The following CHD6 variants were observed in gnomAD, a reference collection of about 807,000 sequenced individuals.
The protein encoded by CHD6 is ATP-dependent chromatin remodeler CHD6.
Under a neutral mutation model 276.9 loss-of-function variants are expected in CHD6, and 50 were observed. That is an observed-to-expected ratio of 0.18 (90% CI 0.14 to 0.23). The LOEUF is 0.23. CHD6 is among the 10% of genes least tolerant of loss of function. The pLI, the probability that CHD6 is intolerant of heterozygous loss-of-function variation, is 1.00. For synonymous variants in CHD6, 1,173 were observed against 1,229.3 expected, an observed-to-expected ratio of 0.95 and a Z score of 0.96; for missense variants, 2,564 against 3,365.8, an observed-to-expected ratio of 0.76 and a Z score of 5.89.
chr20:41,520,462 C>T (rs945683040), intron 3 of CHD6, among the ~76,000 whole-genome samples: 1 of 151,992 alleles, frequency 6.6e-6, no homozygotes, highest in Non-Finnish European at 1.5e-5. Context: ...AAATGTGGCA[C>T]ATATACACCA....
chr20:41,494,865 C>G (rs1048138464), intron 8 of CHD6, among the ~76,000 whole-genome samples: 1 of 152,186 alleles, frequency 6.6e-6, no homozygotes, highest in Non-Finnish European at 1.5e-5. Flanking sequence ...ACTGTCGAAA[C>G]AGCTTTATCT....
chr20:41,438,128 G>A (rs927569051), intron 26 of CHD6, among the ~76,000 whole-genome samples: 2 of 152,138 alleles, frequency 1.3e-5, no homozygotes, highest in Non-Finnish European at 2.9e-5. Flanking sequence ...ATCACATTTG[G>A]CGAAAGTCAC....
rs753815158 is a variant in CHD6, at chr20:41,404,953, C to T, written c.7788G>A (p.Gln2596=). The T allele has an allele frequency of 6.2e-7, 1 of 1,614,240 alleles. No individual in the cohort carries two copies. The change falls in exon 37 of 37, where the codon CAG becomes CAA. Residue 2596 remains glutamine, a synonymous_variant. Coordinates refer to ENST00000373233, the MANE Select transcript of CHD6 (RefSeq NM_032221.5). ...TACTAGTAGTTATTGCAGGTTCAGA[C>T]TGATCAGAAAATGGACCTGGACCAG... is the stretch of plus-strand genomic sequence containing the variant. ...DKPGPGPFSD[Q]SEPAITTSSP... is the part of the protein sequence containing the mutation.
chr20:41,575,449 A>C (rs537393459), intron 1 of CHD6, among the ~76,000 whole-genome samples: 1 of 152,196 alleles, frequency 6.6e-6, no homozygotes, highest in Non-Finnish European at 1.5e-5. Flanking sequence ...CTTTCTTCAC[A>C]TATGCACCTG....
intron 14 of CHD6, among the ~76,000 whole-genome samples, chr20:41,486,553 C>A (rs1002806387): frequency 6.6e-6 from 1 of 152,136 alleles, no homozygotes; most frequent in African/African-American, 2.4e-5. Flanking sequence ...CCAGGGTGTA[C>A]GCTTGACATG....
chr20:41,607,554 A>T (rs1023570821), intron 1 of CHD6, among the ~76,000 whole-genome samples: 1 of 152,222 alleles, frequency 6.6e-6, no homozygotes, highest in East Asian at 1.9e-4. Flanking sequence ...GCAATTCAAT[A>T]TGAAATGCCC....
intron 19 of CHD6, 41 bp downstream of exon 19, chr20:41,455,759 T>C (rs3746540): frequency 0.18 from 240,175 of 1,330,618 alleles, 28,211 homozygotes; most frequent in East Asian, 0.51. Flanking sequence ...CATTTTTTTT[T>C]CTCTCCCACC....
rs569337497 is a variant in CHD6 at position 41,520,216 on chromosome 20, G to A, written c.555-5264C>T. ...GGAGAAATAGGAACACTTTTACACT[G>A]TTGGTGGGACTGTAAACTAGTTCAA... On this transcript the variant is annotated intron_variant, in intron 3 of 36. Coordinates refer to ENST00000373233, the MANE Select transcript of CHD6 (RefSeq NM_032221.5). Among the ~76,000 whole-genome samples the A allele has an allele frequency of 2.9e-4, 44 of 152,300 alleles. No individual in the cohort carries two copies. In the East Asian group the frequency reaches 7.9e-3, roughly 27 times the overall value.
At chr20:41,538,877 C>T (rs2044886257) in intron 2 of CHD6, among the ~76,000 whole-genome samples, 1 of 152,176 alleles carries the variant, frequency 6.6e-6, no homozygotes, top group African/African-American at 2.4e-5. Context: ...ACCCTGCCTC[C>T]TCCCAGTTCC....
chr20:41,590,295 C>T (rs6102484), intron 1 of CHD6, among the ~76,000 whole-genome samples: 58,337 of 151,982 alleles, frequency 0.38, 13,943 homozygotes, highest in African/African-American at 0.66. Context: ...ATGCAGGACA[C>T]AGGCATGGGC....
intron 1 of CHD6, among the ~76,000 whole-genome samples, chr20:41,617,075 A>G (rs371515067): frequency 6.6e-6 from 1 of 152,202 alleles, no homozygotes; most frequent in Admixed American, 6.5e-5. Context: ...ATTTCAGGCA[A>G]TATTTCAGAC....
At chr20:41,606,096 G>A (rs1017303993) in intron 1 of CHD6, among the ~76,000 whole-genome samples, 4 of 152,242 alleles carry the variant, frequency 2.6e-5, no homozygotes, top group Non-Finnish European at 4.4e-5. Flanking sequence ...GACTTATCTC[G>A]GCCGGGCGTA....
intron 27 of CHD6, among the ~76,000 whole-genome samples, chr20:41,434,431 C>T (rs138739296): frequency 0.039 from 6,008 of 152,214 alleles, 194 homozygotes; most frequent in Non-Finnish European, 0.059. Context: ...AGTGCAGTGG[C>T]GTGATCATGG....
At position 41,469,027 on chromosome 20, in the gene CHD6, C is replaced by T. The variant is rs138995054; in HGVS notation, c.2664+4295G>A. Among the ~76,000 whole-genome samples the T allele has an allele frequency of 5.3e-4, 80 of 152,122 alleles. No homozygotes were observed. The East Asian group carries it at 0.012, about 24-fold the overall frequency. On this transcript the variant is annotated intron_variant, in intron 17 of 36. Transcript: ENST00000373233. ...AAAATTAGGTAAGAAATAGGGGGTG[C>T]AAGCAATGTGGTGGCAGCAGAGGAA...
At chr20:41,605,686 CCA>C in intron 1 of CHD6, among the ~76,000 whole-genome samples, 1 of 152,112 alleles carries the variant, frequency 6.6e-6, no homozygotes, top group East Asian at 1.9e-4. Context: ...CATGGATAAA[CCA>C]CATGTAAGAC....
At chr20:41,448,589 C>T (rs988283287) in intron 23 of CHD6, among the ~76,000 whole-genome samples, 2 of 152,160 alleles carry the variant, frequency 1.3e-5, no homozygotes, top group Non-Finnish European at 2.9e-5. Flanking sequence ...AAAAGTAATG[C>T]CTTTCGCCAT....
chr20:41,526,685 A>C (rs1484108808), intron 3 of CHD6, among the ~76,000 whole-genome samples: 1 of 152,226 alleles, frequency 6.6e-6, no homozygotes, highest in Non-Finnish European at 1.5e-5. Context: ...AATGGGGATG[A>C]AAAACTGAAA....
At chr20:41,477,700 T>G (rs1258904875) in intron 16 of CHD6, among the ~76,000 whole-genome samples, 1 of 152,132 alleles carries the variant, frequency 6.6e-6, no homozygotes, top group Non-Finnish European at 1.5e-5. Flanking sequence ...AAAGTCGTAT[T>G]TGATTTGAAG....
intron 18 of CHD6, 111 bp downstream of exon 18, chr20:41,457,153 G>C (rs1317340218): frequency 2.4e-6 from 3 of 1,236,770 alleles, no homozygotes; most frequent in South Asian, 3.3e-5. Context: ...TGATGTGAGG[G>C]CTGGCTCAAT....
Sources: gnomAD v4.1 joint callset for allele counts (sites outside exome capture counted in the v4.1 genomes callset) on GRCh38, gnomAD v4.1.1 for gene constraint, MANE v1.5 for transcripts, NCBI Gene and HGNC (gene_info 2026-07-23, HGNC 2026-07-21) for gene names.